The following FAM117A variants were observed in gnomAD, a reference collection of about 807,000 sequenced individuals.
FAM117A encodes the protein protein FAM117A.
In FAM117A, 21 loss-of-function variants were observed where a neutral mutation model predicts 44.1. That is an observed-to-expected ratio of 0.48 (90% CI 0.34 to 0.69). The LOEUF (loss-of-function observed/expected upper bound fraction) is 0.69, where lower values mean the gene tolerates loss of function less well. FAM117A is among the 30% of genes least tolerant of loss of function. The probability of loss-of-function intolerance (pLI) is 0.01; values close to 1 mark genes in which losing one functional copy is unlikely to be tolerated. For missense variants in FAM117A, 498 were observed against 589.9 expected (o/e 0.84, Z 1.61); for synonymous variants, 220 against 238.3 (o/e 0.92, Z 0.71).
At chr17:49,733,006 T>TTTTTTC in intron 1 of FAM117A, 1 of 342,606 alleles carries the variant, frequency 2.9e-6, no homozygotes, top group Non-Finnish European at 5.5e-6. Context: ...CCTAATGGAC[T>TTTTTTC]ATGAACCGTG....
chr17:49,761,184 T>G (rs1472267864), intron 1 of FAM117A, among the ~76,000 whole-genome samples: 1 of 152,232 alleles, frequency 6.6e-6, no homozygotes, highest in Non-Finnish European at 1.5e-5. Context: ...CCCTTAATTG[T>G]TCCTGAAGCC....
At chr17:49,738,022 C>A (rs1373686960) in intron 1 of FAM117A, among the ~76,000 whole-genome samples, 1 of 152,198 alleles carries the variant, frequency 6.6e-6, no homozygotes, top group Non-Finnish European at 1.5e-5. Context: ...CAGGCCCAAT[C>A]CTATTGTCTC....
intron 1 of FAM117A, among the ~76,000 whole-genome samples, chr17:49,779,502 G>T (rs892744143): frequency 2.6e-5 from 4 of 152,202 alleles, no homozygotes; most frequent in African/African-American, 9.7e-5. Context: ...TGGGTGGAGT[G>T]CTTTGCCTGA....
chr17:49,755,894 T>G (rs1168256565), intron 1 of FAM117A, among the ~76,000 whole-genome samples: 1 of 152,204 alleles, frequency 6.6e-6, no homozygotes, highest in Non-Finnish European at 1.5e-5. Context: ...TTATTGAGCA[T>G]GACACTCCCC....
chr17:49,769,170 C>G (rs1054395218), intron 1 of FAM117A, among the ~76,000 whole-genome samples: 1 of 152,106 alleles, frequency 6.6e-6, no homozygotes, highest in African/African-American at 2.4e-5. Flanking sequence ...TGGCACGCGC[C>G]TGTAGTCCCA....
At chr17:49,782,996 T>C (rs187099515) in intron 1 of FAM117A, among the ~76,000 whole-genome samples, 1 of 152,318 alleles carries the variant, frequency 6.6e-6, no homozygotes, top group Non-Finnish European at 1.5e-5. Context: ...TCTCAGCCCA[T>C]GGTGACCGGG....
At chr17:49,780,379 G>A (rs547383742) in intron 1 of FAM117A, among the ~76,000 whole-genome samples, 6 of 152,282 alleles carry the variant, frequency 3.9e-5, no homozygotes, top group Non-Finnish European at 7.3e-5. Context: ...TTCTTATAGT[G>A]GGCAAGACTG....
intron 1 of FAM117A, among the ~76,000 whole-genome samples, chr17:49,757,166 T>A (rs1303095453): frequency 6.6e-6 from 1 of 151,640 alleles, no homozygotes; most frequent in African/African-American, 2.4e-5. Flanking sequence ...TAGGCAGAGC[T>A]GAGCTAAAGG....
chr17:49,732,294 A>T, intron 2 of FAM117A: 1 of 310,956 alleles, frequency 3.2e-6, no homozygotes, highest in Non-Finnish European at 6.2e-6. Flanking sequence ...AATCCCAGCC[A>T]CTTGGGAGGA....
chr17:49,776,365 A>G (rs1198379751), intron 1 of FAM117A, among the ~76,000 whole-genome samples: 1 of 152,180 alleles, frequency 6.6e-6, no homozygotes, highest in East Asian at 1.9e-4. Flanking sequence ...TGAGGGGCTC[A>G]GTGGACTAGG....
At chr17:49,775,395 T>C (rs1329007233) in intron 1 of FAM117A, among the ~76,000 whole-genome samples, 2 of 152,202 alleles carry the variant, frequency 1.3e-5, no homozygotes, top group East Asian at 1.9e-4. Flanking sequence ...GTGGATTTCC[T>C]GTACCCAACA....
At position 49,711,563 on chromosome 17, in the gene FAM117A, A is replaced by T; in HGVS notation, c.1062-8T>A. Reference sequence around the variant, plus strand: ...AGGTCAGGACCTGGAGACCTGGAGGATGAAGAGAGACACACAAGACACATA... The same window carrying T: ...AGGTCAGGACCTGGAGACCTGGAGGTTGAAGAGAGACACACAAGACACATA... On this transcript the variant is annotated splice_polypyrimidine_tract_variant and splice_region_variant and intron_variant, in intron 7 of 7. Transcript: ENST00000240364. 6.2e-7 allele frequency: 1 copy of T among 1,613,344 alleles called. No homozygotes were observed. Among genetic ancestry groups the T allele is most frequent in the Non-Finnish European group, 8.5e-7 (1 of 1,179,784 alleles).
At chr17:49,760,589 G>A (rs968317288) in intron 1 of FAM117A, among the ~76,000 whole-genome samples, 3 of 152,204 alleles carry the variant, frequency 2.0e-5, no homozygotes, top group Non-Finnish European at 1.5e-5. Context: ...GAGGTTCCAA[G>A]GCAGTATTTA....
chr17:49,778,325 G>A (rs72839111), intron 1 of FAM117A, among the ~76,000 whole-genome samples: 2 of 152,326 alleles, frequency 1.3e-5, no homozygotes, highest in Non-Finnish European at 1.5e-5. Flanking sequence ...CTGGAGATAT[G>A]CAGATAAATA....
intron 7 of FAM117A, among the ~76,000 whole-genome samples, chr17:49,712,316 G>A (rs975832237): frequency 2.0e-5 from 3 of 152,138 alleles, no homozygotes; most frequent in East Asian, 3.9e-4. Flanking sequence ...TGGAGGCATT[G>A]TCCTGTGCAT....
upstream of FAM117A, among the ~76,000 whole-genome samples, chr17:49,764,325 C>T (rs2073737397): frequency 1.3e-5 from 2 of 152,168 alleles, no homozygotes. Flanking sequence ...CCTCACACCG[C>T]CCCCTTCGGT....
chr17:49,716,678 C>T (rs2073505211), intron 6 of FAM117A, among the ~76,000 whole-genome samples: 1 of 152,188 alleles, frequency 6.6e-6, no homozygotes, highest in Non-Finnish European at 1.5e-5. Context: ...TGCCAACATA[C>T]CACAGCTTCT....
At chr17:49,732,486 G>C (rs892694573) in intron 2 of FAM117A, 65 bp downstream of exon 2, 27 of 1,480,034 alleles carry the variant, frequency 1.8e-5, no homozygotes, top group South Asian at 1.4e-4. Flanking sequence ...AAGACCAAAG[G>C]CCTCCTCAGC....
chr17:49,752,866 CTT>C (rs755862898), intron 1 of FAM117A, among the ~76,000 whole-genome samples: 17 of 141,896 alleles, frequency 1.2e-4, no homozygotes, highest in African/African-American at 1.3e-4. Flanking sequence ...GTTTCCAATT[CTT>C]TTTTTTTTTT....
Sources: gnomAD v4.1 joint callset for allele counts (sites outside exome capture counted in the v4.1 genomes callset) on GRCh38, gnomAD v4.1.1 for gene constraint, MANE v1.5 for transcripts, NCBI Gene and HGNC (gene_info 2026-07-23, HGNC 2026-07-21) for gene names.